Variants in SEC61B observed in about 807,000 individuals in gnomAD.
SEC61B encodes the protein SEC61 translocon subunit beta.
SEC61B carries 7 observed loss-of-function variants against 12.6 expected under a neutral mutation model. The observed-to-expected ratio is 0.55, with a 90% CI of 0.32 to 1.04. The LOEUF is 1.04. Among genes scored for constraint, SEC61B ranks in the 50% least tolerant of loss-of-function variants. The probability of loss-of-function intolerance (pLI) is 0.05; values close to 1 mark genes in which losing one functional copy is unlikely to be tolerated. For synonymous variants in SEC61B, 54 were observed against 50.1 expected (o/e 1.08, Z -0.33); for missense variants, 107 against 130.1 (o/e 0.82, Z 0.86).
intron 2 of SEC61B, among the ~76,000 whole-genome samples, chr9:99,224,837 T>G (rs908724510): frequency 6.6e-6 from 1 of 152,206 alleles, no homozygotes; most frequent in African/African-American, 2.4e-5. Flanking sequence ...CATTGGAAGT[T>G]AATGATTCAT....
intron 2 of SEC61B, among the ~76,000 whole-genome samples, chr9:99,224,160 G>A (rs1046276387): frequency 6.6e-6 from 1 of 152,214 alleles, no homozygotes; most frequent in African/African-American, 2.4e-5. Context: ...GACATTTTCT[G>A]GCTGCAACAG....
intron 3 of SEC61B, among the ~76,000 whole-genome samples, chr9:99,229,631 A>G (rs188974720): frequency 1.3e-3 from 201 of 152,286 alleles, no homozygotes; most frequent in African/African-American, 4.7e-3. Context: ...CAGAGAGAAC[A>G]TCTGTAGCCC....
chr9:99,226,642 A>C (rs1828899486), intron 2 of SEC61B, among the ~76,000 whole-genome samples: 1 of 151,874 alleles, frequency 6.6e-6, no homozygotes, highest in Non-Finnish European at 1.5e-5. Context: ...CTTGCCCCTT[A>C]CCCCCATATT....
chr9:99,227,947 A>G lies in SEC61B; in HGVS notation c.150A>G (p.Ala50=). 6.2e-7 allele frequency: 1 copy of G among 1,614,118 alleles called. No homozygotes were observed. Among genetic ancestry groups the G allele is most frequent in the Non-Finnish European group, 8.5e-7 (1 of 1,180,014 alleles). Residue 50 remains alanine (A), a synonymous_variant, in exon 3 of 4, where the codon GCA becomes GCG. Coordinates refer to ENST00000223641, the MANE Select transcript of SEC61B (RefSeq NM_006808.3). Reference sequence around the variant, plus strand: ...GGAGTGCAGGCCGCACAACCTCGGCAGGCACCGGGGGGATGTGGCGATTCT... The same window carrying G: ...GGAGTGCAGGCCGCACAACCTCGGCGGGCACCGGGGGGATGTGGCGATTCT... ...GTRSAGRTTS[A]GTGGMWRFYT...
chr9:99,228,570 G>A (rs75488135), intron 3 of SEC61B, among the ~76,000 whole-genome samples: 8,298 of 152,284 alleles, frequency 0.054, 304 homozygotes, highest in Non-Finnish European at 0.078. Context: ...TGGGTGTCCA[G>A]GGACCCCTGT....
chr9:99,224,407 T>G (rs1191530015), intron 2 of SEC61B, among the ~76,000 whole-genome samples: 1 of 152,116 alleles, frequency 6.6e-6, no homozygotes, highest in Non-Finnish European at 1.5e-5. Flanking sequence ...ACATGTCCTG[T>G]GGGTGCGGTT....
In SEC61B at chr9:99,223,334, A is replaced by AAC. The variant is rs201996007; in HGVS notation, c.101+692_101+693insCA. 9.2e-3 allele frequency among the ~76,000 whole-genome samples: 1,351 copies of AAC among 146,986 alleles called. 9 individuals carry two copies. Among genetic ancestry groups the AAC allele is most frequent in the African/African-American group, 0.032 (1,279 of 39,984 alleles). Reference sequence around the variant, plus strand: ...CTGAACTAAAAAAAACAAACAAACAAAAAAAAAAAACCGGGGGGATACCAA... The same window carrying AAC: ...CTGAACTAAAAAAAACAAACAAACAAACAAAAAAAAAACCGGGGGGATACCAA... On this transcript the variant is annotated intron_variant, in intron 2 of 3. Transcript: ENST00000223641.
intron 2 of SEC61B, among the ~76,000 whole-genome samples, chr9:99,223,921 G>A (rs992644866): frequency 6.6e-6 from 1 of 152,146 alleles, no homozygotes; most frequent in Non-Finnish European, 1.5e-5. Context: ...TAAGACCAGT[G>A]ATGTTTCCAT....
chr9:99,227,844 T>C, intron 2 of SEC61B, 55 bp from the exon 3 acceptor site: 1 of 1,255,240 alleles, frequency 8.0e-7, no homozygotes, highest in Non-Finnish European at 1.2e-6. Flanking sequence ...TATGTTATAA[T>C]GCTATTCTAA....
chr9:99,226,152 T>C (rs1184469410), intron 2 of SEC61B, among the ~76,000 whole-genome samples: 2 of 152,222 alleles, frequency 1.3e-5, no homozygotes, highest in African/African-American at 4.8e-5. Flanking sequence ...CCATAATTAA[T>C]GTGTCTGAAA....
At chr9:99,226,322 C>T in intron 2 of SEC61B, among the ~76,000 whole-genome samples, 1 of 152,146 alleles carries the variant, frequency 6.6e-6, no homozygotes, top group East Asian at 1.9e-4. Flanking sequence ...GTGCTTCCTG[C>T]ATTCAGAATG....
At position 99,222,333 on chromosome 9, in the gene SEC61B, G is replaced by A. The variant is rs1828833940; in HGVS notation, c.-31G>A. 1.2e-6 allele frequency: 2 copies of A among 1,614,116 alleles called. No individual in the cohort carries two copies. Among genetic ancestry groups the A allele is most frequent in the East Asian group, 4.5e-5 (2 of 44,872 alleles). ...GGGCTCCGTAACTTTCTATCCGTCC[G>A]CGTCAGCGCCTTGCCACCCTCATCT... On this transcript the variant is annotated 5_prime_UTR_variant, in exon 1 of 4. Transcript: ENST00000223641.
intron 2 of SEC61B, among the ~76,000 whole-genome samples, chr9:99,226,735 C>T (rs560609952): frequency 1.3e-5 from 2 of 152,238 alleles, no homozygotes; most frequent in South Asian, 4.2e-4. Context: ...TGGGGTTCCC[C>T]GGTGACTGAG....
intron 3 of SEC61B, among the ~76,000 whole-genome samples, chr9:99,228,326 T>C (rs1354222654): frequency 6.6e-6 from 1 of 152,230 alleles, no homozygotes; most frequent in Non-Finnish European, 1.5e-5. Context: ...TCTTGCCCCG[T>C]ACCAAGAAAT....
chr9:99,225,802 G>A (rs370727221), intron 2 of SEC61B, among the ~76,000 whole-genome samples: 10 of 152,198 alleles, frequency 6.6e-5, no homozygotes, highest in African/African-American at 1.9e-4. Flanking sequence ...CTCCTCTGGG[G>A]CTCCTGTAAT....
chr9:99,228,136 A>G, intron 3 of SEC61B, 136 bp downstream of exon 3: 2 of 646,846 alleles, frequency 3.1e-6, no homozygotes, highest in East Asian at 2.8e-5. Context: ...TGCCAGGCGG[A>G]CTGGGTTTGG....
chr9:99,228,158 A>T (rs1828920572), intron 3 of SEC61B, among the ~76,000 whole-genome samples, 158 bp downstream of exon 3: 2 of 152,210 alleles, frequency 1.3e-5, no homozygotes. Context: ...TTGCCTGTTT[A>T]TCAACCGATT....
intron 2 of SEC61B, among the ~76,000 whole-genome samples, chr9:99,225,625 C>T (rs1365108126): frequency 6.6e-6 from 1 of 152,188 alleles, no homozygotes; most frequent in Non-Finnish European, 1.5e-5. Context: ...CCCCCAAATA[C>T]AAATTTGAGA....
rs146763020 is a variant in SEC61B, at chr9:99,227,977, A to G, written c.180A>G (p.Thr60=). Residue 60 remains threonine (T), a synonymous_variant, in exon 3 of 4, where the codon ACA becomes ACG. Coordinates refer to ENST00000223641, the MANE Select transcript of SEC61B (RefSeq NM_006808.3). Reference sequence around the variant, plus strand: ...CCGGGGGGATGTGGCGATTCTACACAGAAGATTCACCTGGGCTCAAAGTGT... The same window carrying G: ...CCGGGGGGATGTGGCGATTCTACACGGAAGATTCACCTGGGCTCAAAGTGT... ...AGTGGMWRFY[T]EDSPGLKVGP... is the part of the protein sequence containing the mutation. 181 of 1,613,958 alleles carry G rather than the reference A, an allele frequency of 1.1e-4. No homozygotes were observed. In the Middle Eastern group the frequency reaches 3.0e-3, roughly 26 times the overall value.
Sources: allele counts gnomAD v4.1 joint callset (sites outside exome capture counted in the v4.1 genomes callset), GRCh38; gene constraint gnomAD v4.1.1; transcripts MANE v1.5; gene names NCBI Gene and HGNC (gene_info 2026-07-23, HGNC 2026-07-21).